The following SEMA4F variants were observed in gnomAD, a reference collection of about 807,000 sequenced individuals.
The protein encoded by SEMA4F is semaphorin-4F.
A neutral mutation model predicts 78.4 loss-of-function variants in SEMA4F; 51 were observed. The observed-to-expected ratio is 0.65, with a 90% CI of 0.52 to 0.82. The LOEUF (loss-of-function observed/expected upper bound fraction) is 0.82. SEMA4F is among the 40% of genes least tolerant of loss of function. The probability of loss-of-function intolerance (pLI) is 0.00; values close to 1 mark genes in which losing one functional copy is unlikely to be tolerated. For synonymous variants in SEMA4F, 418 were observed against 408.7 expected (o/e 1.02, Z -0.27); for missense variants, 938 against 1,014.4 (o/e 0.92, Z 1.02).
intron 5 of SEMA4F, among the ~76,000 whole-genome samples, chr2:74,667,846 A>G (rs1168920019): frequency 1.3e-5 from 2 of 152,124 alleles, no homozygotes; most frequent in Admixed American, 1.3e-4. Context: ...TTGTGATCTC[A>G]GTGAGCCCAT....
Position 74,657,614 on chromosome 2 carries a change from G to A in SEMA4F, c.347G>A (p.Gly116Asp). 1 of 1,614,174 alleles carries A rather than the reference G, an allele frequency of 6.2e-7. No individual in the cohort carries two copies. Among genetic ancestry groups the A allele is most frequent in the Non-Finnish European group, 8.5e-7 (1 of 1,180,002 alleles). The change falls in exon 3 of 14, where the codon GGC becomes GAC. Residue 116 changes from glycine to aspartate, a missense_variant. By Grantham distance (94) the Gly-to-Asp change is moderately conservative (BLOSUM62 -1). Transcript: ENST00000357877. Reference protein sequence around the residue: ...EAHRQNCRKKGKKEDECHNFV... With the variant: ...EAHRQNCRKKDKKEDECHNFV... ...CACAGACAGAACTGTAGGAAGAAAG[G>A]CAAGAAAGAGGTAGGTGTAAATCTG...
downstream of SEMA4F, chr2:74,683,950 T>C (rs973920819): frequency 1.3e-5 from 2 of 152,168 alleles, no homozygotes; most frequent in African/African-American, 2.4e-5. Flanking sequence ...TACCTATAGA[T>C]AGAGCAGAGT....
rs1236899501 is a variant in SEMA4F, at chr2:74,680,105, T to G, written c.2209T>G (p.Phe737Val). Residue 737 changes from phenylalanine to valine, a missense_variant, in exon 14 of 14, where the codon TTT (phenylalanine) becomes GTT (valine). Physicochemically the swap from Phe to Val is conservative, Grantham distance 50. Transcript: ENST00000357877. ...GGCCCTGGCCAAGAGGGGCAGTGGC[T>G]TTGGTGGATTCTCACCACCCTTCCT... Reference protein sequence around the residue: ...PLALAKRGSGFGGFSPPFLLD... With the variant: ...PLALAKRGSGVGGFSPPFLLD... 1 of 1,613,720 alleles carries G rather than the reference T, an allele frequency of 6.2e-7. No individual in the cohort carries two copies. Among genetic ancestry groups the G allele is most frequent in the African/African-American group, 1.3e-5 (1 of 75,040 alleles).
intron 5 of SEMA4F, among the ~76,000 whole-genome samples, chr2:74,667,753 GC>G (rs1189482335): frequency 1.3e-5 from 2 of 152,074 alleles, no homozygotes; most frequent in Non-Finnish European, 2.9e-5. Context: ...TCCTTGACAG[GC>G]CTTTTGTCTT....
intron 5 of SEMA4F, among the ~76,000 whole-genome samples, chr2:74,668,629 G>T (rs1684817149): frequency 2.0e-5 from 3 of 148,894 alleles, no homozygotes. Flanking sequence ...TTTTTTTTTG[G>T]AGACAGAGTC....
chr2:74,669,451 G>T (rs912084403), intron 5 of SEMA4F, among the ~76,000 whole-genome samples: 1 of 152,070 alleles, frequency 6.6e-6, no homozygotes, highest in Admixed American at 6.5e-5. Context: ...GGGTGTGGTG[G>T]GGGGGTGCCT....
chr2:74,655,289 AG>A, intron 1 of SEMA4F: 1 of 406,712 alleles, frequency 2.5e-6, no homozygotes, highest in South Asian at 1.9e-5. Flanking sequence ...AAAATAGAGG[AG>A]GGGGATATGA....
chr2:74,688,342 T>C (rs150849826), downstream of SEMA4F, among the ~76,000 whole-genome samples: 1,407 of 152,268 alleles, frequency 9.2e-3, 8 homozygotes, highest in Non-Finnish European at 0.013. Context: ...ATGATCATAT[T>C]TCAATACGTA....
chr2:74,655,154 T>A (rs370883604), intron 1 of SEMA4F: 29 of 233,830 alleles, frequency 1.2e-4, no homozygotes, highest in African/African-American at 4.6e-4. Context: ...GGATCCACGT[T>A]AACTCTCTTA....
intron 13 of SEMA4F, 44 bp downstream of exon 13, chr2:74,679,378 A>G (rs772705593): frequency 5.9e-6 from 9 of 1,532,578 alleles, no homozygotes; most frequent in Middle Eastern, 1.7e-4. Flanking sequence ...GGTGGAGTGG[A>G]TGGAAAGGGG....
chr2:74,704,248 T>C, the SEMA4F span, among the ~76,000 whole-genome samples: 3 of 151,382 alleles, frequency 2.0e-5, no homozygotes, highest in South Asian at 6.3e-4. Context: ...ATTGATCTCC[T>C]TTTCCTCATT....
At position 74,674,901 on chromosome 2, in the gene SEMA4F, A is replaced by C; in HGVS notation, c.1015A>C (p.Ile339Leu). 6.2e-7 allele frequency: 1 copy of C among 1,613,418 alleles called. No individual in the cohort carries two copies. Among genetic ancestry groups the C allele is most frequent in the Admixed American group, 1.7e-5 (1 of 59,976 alleles). The change falls in exon 9 of 14, where the codon ATC becomes CTC. Residue 339 changes from isoleucine to leucine, a missense_variant. Ile to Leu is a conservative substitution (Grantham distance 5). Transcript: ENST00000357877. ...IFSSQWEGAT[I>L]SAVCAFRPQD... ...TGTGAATTCCAGGGAGGGGGCTACTATCTCTGCTGTCTGTGCCTTCCGACC... is the reference window on the plus strand; with the variant it reads ...TGTGAATTCCAGGGAGGGGGCTACTCTCTCTGCTGTCTGTGCCTTCCGACC...
intron 5 of SEMA4F, among the ~76,000 whole-genome samples, chr2:74,664,405 T>A (rs1684582420): frequency 1.3e-5 from 2 of 151,526 alleles, no homozygotes; most frequent in South Asian, 4.1e-4. Flanking sequence ...TTCAAAGATT[T>A]TGCTAGTATC....
At chr2:74,706,536 C>CAAAA in the SEMA4F span, among the ~76,000 whole-genome samples, 1 of 152,062 alleles carries the variant, frequency 6.6e-6, no homozygotes, top group African/African-American at 2.4e-5. Context: ...CAGGAATCAG[C>CAAAA]AATTGAGGCT....
chr2:74,686,877 G>A (rs1487951552), downstream of SEMA4F, among the ~76,000 whole-genome samples: 2 of 151,930 alleles, frequency 1.3e-5, no homozygotes, highest in Non-Finnish European at 2.9e-5. Context: ...GGGCCTGTTG[G>A]AGGGTGGGGG....
chr2:74,687,681 G>A (rs943070734), downstream of SEMA4F, among the ~76,000 whole-genome samples: 1 of 152,216 alleles, frequency 6.6e-6, no homozygotes, highest in African/African-American at 2.4e-5. Flanking sequence ...CCCAGCTCCT[G>A]TGGTTCTGCA....
Position 74,674,991 on chromosome 2 carries a change from C to T in SEMA4F, c.1105C>T (p.Leu369=). The T allele has an allele frequency of 6.2e-7, 1 of 1,613,942 alleles. No individual in the cohort carries two copies. The highest frequency in any genetic ancestry group is 1.1e-5 in the South Asian group (1 of 91,068). Residue 369 remains leucine (L), a synonymous_variant, in exon 9 of 14, where the codon CTG becomes TTG. Transcript: ENST00000357877. The stretch of plus-strand genomic sequence containing the variant: ...ACTAAAACATGACTGCAACAGAGGA[C>T]TGCCTGTCGTGGACAATGATGTGCC... ...RELKHDCNRG[L]PVVDNDVPQP...
At chr2:74,696,763 C>T in the SEMA4F span, among the ~76,000 whole-genome samples, 3 of 152,124 alleles carry the variant, frequency 2.0e-5, no homozygotes, top group Admixed American at 6.5e-5. Context: ...TATTAAAATG[C>T]ATTCTTATTT....
At chr2:74,657,437 C>A in intron 2 of SEMA4F, 128 bp from the exon 3 acceptor site, 1 of 730,066 alleles carries the variant, frequency 1.4e-6, no homozygotes, top group Non-Finnish European at 2.3e-6. Context: ...ATTTGAAAAA[C>A]AATGCTCTAG....
Sources: allele counts gnomAD v4.1 joint callset (sites outside exome capture counted in the v4.1 genomes callset), GRCh38; gene constraint gnomAD v4.1.1; transcripts MANE v1.5; gene names NCBI Gene and HGNC (gene_info 2026-07-23, HGNC 2026-07-21).